The following LSAMP variants were observed in gnomAD, a reference collection of about 807,000 sequenced individuals.
LSAMP encodes limbic system-associated membrane protein.
A neutral mutation model predicts 38.6 loss-of-function variants in LSAMP; 7 were observed. The observed-to-expected ratio is 0.18, with a 90% CI of 0.10 to 0.34. The LOEUF is 0.34. Among genes scored for constraint, LSAMP ranks in the 10% least tolerant of loss-of-function variants. LSAMP has a pLI of 1.00. For missense variants in LSAMP, 313 were observed against 420.0 expected, an observed-to-expected ratio of 0.75 and a Z score of 2.23; for synonymous variants, 154 against 166.8, an observed-to-expected ratio of 0.92 and a Z score of 0.59.
At position 115,846,405 on chromosome 3, in the gene LSAMP, T is replaced by C. The variant is rs148524194; in HGVS notation, c.650-3827A>G. The stretch of plus-strand genomic sequence containing the variant: ...CAAAACAGAGGACTAGGAAATAAAA[T>C]ATCATTCATTTAATCTTACTAATAT... On this transcript the variant is annotated intron_variant, in intron 4 of 6. Transcript: ENST00000490035. 8.5e-5 allele frequency among the ~76,000 whole-genome samples: 13 copies of C among 152,302 alleles called. No homozygotes were observed. In the East Asian group the frequency reaches 1.7e-3, roughly 20 times the overall value.
At chr3:116,236,748 A>G (rs1042628865) in intron 1 of LSAMP, among the ~76,000 whole-genome samples, 1 of 152,096 alleles carries the variant, frequency 6.6e-6, no homozygotes, top group South Asian at 2.1e-4. Context: ...TCCATTGTTT[A>G]AAGTTCTTTA....
chr3:115,997,340 A>C (rs1939843498), intron 3 of LSAMP, among the ~76,000 whole-genome samples: 1 of 152,070 alleles, frequency 6.6e-6, no homozygotes, highest in East Asian at 1.9e-4. Context: ...TGAGACTTAC[A>C]TTCTACTGGG....
intron 3 of LSAMP, among the ~76,000 whole-genome samples, chr3:115,945,904 G>C (rs1417190387): frequency 6.6e-6 from 1 of 152,040 alleles, no homozygotes; most frequent in Non-Finnish European, 1.5e-5. Context: ...CTTTGTTAAG[G>C]CAAAGCTAGT....
intron 2 of LSAMP, among the ~76,000 whole-genome samples, chr3:116,071,974 C>CTTTT (rs34359160): frequency 3.1e-5 from 4 of 130,122 alleles, no homozygotes; most frequent in Non-Finnish European, 6.5e-5. Context: ...GTATATGTAG[C>CTTTT]TTTTTTTTTT....
intron 2 of LSAMP, among the ~76,000 whole-genome samples, chr3:116,041,336 T>C (rs1941166031): frequency 6.6e-6 from 1 of 152,142 alleles, no homozygotes; most frequent in South Asian, 2.1e-4. Context: ...CAGTTGCTTG[T>C]TAATGAACAT....
intron 6 of LSAMP, among the ~76,000 whole-genome samples, chr3:115,830,304 G>A (rs1341883841): frequency 2.0e-5 from 3 of 152,156 alleles, no homozygotes; most frequent in South Asian, 2.1e-4. Flanking sequence ...ATGTACAGAC[G>A]TTAAAGTAAC....
At chr3:116,320,599 C>A (rs1415503478) in intron 1 of LSAMP, among the ~76,000 whole-genome samples, 1 of 152,084 alleles carries the variant, frequency 6.6e-6, no homozygotes. Context: ...AGTTAGGAAC[C>A]AAATACTAAG....
At chr3:116,356,178 C>G (rs1393974594) in intron 1 of LSAMP, among the ~76,000 whole-genome samples, 2 of 152,148 alleles carry the variant, frequency 1.3e-5, no homozygotes, top group East Asian at 3.9e-4. Flanking sequence ...TGCAAGCAAT[C>G]TAAGTGTCCA....
chr3:115,940,649 C>A (rs917781106), intron 3 of LSAMP, among the ~76,000 whole-genome samples: 1 of 152,168 alleles, frequency 6.6e-6, no homozygotes, highest in African/African-American at 2.4e-5. Context: ...TTACCAGCAT[C>A]ATTTGTTAAA....
chr3:115,866,767 T>C (rs980150297), intron 3 of LSAMP, among the ~76,000 whole-genome samples: 2 of 152,084 alleles, frequency 1.3e-5, no homozygotes, highest in Admixed American at 1.3e-4. Flanking sequence ...TGAGCAGAAT[T>C]GACAGGTTGC....
chr3:116,081,344 C>A (rs1283762625), intron 2 of LSAMP, among the ~76,000 whole-genome samples: 1 of 151,680 alleles, frequency 6.6e-6, no homozygotes, highest in Non-Finnish European at 1.5e-5. Flanking sequence ...GTCCCAGCTA[C>A]TTGGGAGGCT....
intron 3 of LSAMP, among the ~76,000 whole-genome samples, chr3:115,925,599 A>G (rs542853949): frequency 6.6e-6 from 1 of 152,326 alleles, no homozygotes; most frequent in East Asian, 1.9e-4. Context: ...TTTGAGAATG[A>G]TGGATCAGAG....
intron 1 of LSAMP, among the ~76,000 whole-genome samples, chr3:116,125,645 G>T (rs1331294010): frequency 6.6e-6 from 1 of 152,068 alleles, no homozygotes; most frequent in Non-Finnish European, 1.5e-5. Flanking sequence ...GATAAACAAT[G>T]ATATGGAAGA....
Position 116,176,204 on chromosome 3 carries a change from G to T in LSAMP, c.156-89648C>A, listed in dbSNP as rs911794710. 3.9e-5 allele frequency among the ~76,000 whole-genome samples: 6 copies of T among 152,110 alleles called. No homozygotes were observed. The East Asian group carries it at 9.6e-4, about 24-fold the overall frequency. On this transcript the variant is annotated intron_variant, in intron 1 of 6. Coordinates refer to ENST00000490035, the MANE Select transcript of LSAMP (RefSeq NM_002338.5). ...ACACTTTATGGAGTACTCTATATGTGTAAAGAATTGCACCAGAAGCAGTAG... is the reference window on the plus strand; with the variant it reads ...ACACTTTATGGAGTACTCTATATGTTTAAAGAATTGCACCAGAAGCAGTAG...
intron 1 of LSAMP, among the ~76,000 whole-genome samples, chr3:116,398,085 A>C (rs1433576830): frequency 6.6e-6 from 1 of 152,108 alleles, no homozygotes; most frequent in Non-Finnish European, 1.5e-5. Flanking sequence ...TAAATGTGAT[A>C]ATTTCTACCA....
At chr3:116,388,187 G>GA (rs890418215) in intron 1 of LSAMP, among the ~76,000 whole-genome samples, 4 of 151,824 alleles carry the variant, frequency 2.6e-5, no homozygotes, top group East Asian at 1.9e-4. Flanking sequence ...GAAGCATGAA[G>GA]AAAAAAAATG....
intron 3 of LSAMP, among the ~76,000 whole-genome samples, chr3:115,957,761 T>A (rs1392911611): frequency 1.4e-4 from 22 of 152,194 alleles, no homozygotes. Context: ...ATTTTGTACC[T>A]TTCTTGGAAG....
At chr3:115,828,955 G>A (rs1035408154) in intron 6 of LSAMP, among the ~76,000 whole-genome samples, 1 of 152,164 alleles carries the variant, frequency 6.6e-6, no homozygotes, top group Non-Finnish European at 1.5e-5. Flanking sequence ...ACCAGGAAGA[G>A]GCATTAGAAA....
At chr3:116,011,876 A>G (rs972088193) in intron 3 of LSAMP, among the ~76,000 whole-genome samples, 1 of 152,130 alleles carries the variant, frequency 6.6e-6, no homozygotes, top group African/African-American at 2.4e-5. Context: ...GCTTCTGACA[A>G]CCCTGGGTAC....
Sources: gnomAD v4.1 joint callset for allele counts (sites outside exome capture counted in the v4.1 genomes callset) on GRCh38, gnomAD v4.1.1 for gene constraint, MANE v1.5 for transcripts, NCBI Gene and HGNC (gene_info 2026-07-23, HGNC 2026-07-21) for gene names.